Variants in MYO7B observed in about 807,000 individuals in gnomAD.
MYO7B encodes unconventional myosin-VIIb.
Under a neutral mutation model 259.7 loss-of-function variants are expected in MYO7B, and 212 were observed. The ratio of observed to expected loss-of-function variants is 0.82; its 90% CI spans 0.73 to 0.91. The LOEUF is 0.91. MYO7B is among the 40% of genes least tolerant of loss of function. The pLI, the probability that MYO7B is intolerant of heterozygous loss-of-function variation, is 0.00. For synonymous variants in MYO7B, 1,197 were observed against 1,166.4 expected (o/e 1.03, Z -0.54); for missense variants, 2,732 against 2,813.5 (o/e 0.97, Z 0.66).
rs2435616 is a variant in MYO7B, at chr2:127,597,263, C to A, written c.2339+707C>A. 1.3e-3 allele frequency among the ~76,000 whole-genome samples: 191 copies of A among 152,348 alleles called. 1 individual carries two copies. The highest frequency in any genetic ancestry group is 4.5e-3 in the African/African-American group (189 of 41,572). ...GGTCAGAGGCGAGGCAGGCTGGCCA[C>A]CCTGACTCCCAACATTTTAAATTAA... On this transcript the variant is annotated intron_variant, in intron 19 of 47. Coordinates refer to ENST00000409816, the MANE Select transcript of MYO7B (RefSeq NM_001393586.1). The surrounding 1 kb of genome is among the most constrained non-coding windows in gnomAD (Gnocchi z 4.8).
intron 27 of MYO7B, among the ~76,000 whole-genome samples, chr2:127,621,401 C>T (rs1680835434): frequency 6.6e-6 from 1 of 151,962 alleles, no homozygotes; most frequent in Non-Finnish European, 1.5e-5. Flanking sequence ...GCTGGCATTA[C>T]AGGTGTGCAT....
In MYO7B at chr2:127,621,964, C is replaced by A; in HGVS notation, c.3526-18C>A. 6.4e-7 allele frequency: 1 copy of A among 1,551,706 alleles called. No homozygotes were observed. The highest frequency in any genetic ancestry group is 1.2e-5 in the South Asian group (1 of 84,020). Reference sequence around the variant, plus strand: ...CTTTCTGAGTGTCTTCCTCCCTTCTCCCCTCCTCACCCACCAGTATCTACT... The same window carrying A: ...CTTTCTGAGTGTCTTCCTCCCTTCTACCCTCCTCACCCACCAGTATCTACT... On this transcript the variant is annotated intron_variant, in intron 27 of 47. Coordinates refer to ENST00000409816, the MANE Select transcript of MYO7B (RefSeq NM_001393586.1).
rs942154197 is a variant in MYO7B at position 127,576,722 on chromosome 2, C to T, written c.849+14C>T. 1.3e-6 allele frequency: 2 copies of T among 1,532,510 alleles called. No homozygotes were observed. Among genetic ancestry groups the T allele is most frequent in the African/African-American group, 2.7e-5 (2 of 72,942 alleles). The allele number at this position is 1,532,510 out of a possible 1,614,324, so 94.9% of individuals were successfully genotyped here. A position where few individuals can be genotyped will look rare whatever the true frequency, so the allele number is the denominator to read the frequency against. ...TACCTGACCATGGTGAGCTGCCCAC[C>T]TGCCGCCTCCCAGTAGCCAGTGGAA... On this transcript the variant is annotated intron_variant, in intron 8 of 47. Coordinates refer to ENST00000409816, the MANE Select transcript of MYO7B (RefSeq NM_001393586.1). The surrounding 1 kb of genome is among the most constrained non-coding windows in gnomAD (Gnocchi z 4.9).
chr2:127,580,582 C>T (rs988091677), intron 9 of MYO7B, among the ~76,000 whole-genome samples, 164 bp from the exon 10 acceptor site: 4 of 152,224 alleles, frequency 2.6e-5, no homozygotes, highest in Non-Finnish European at 5.9e-5. Context: ...GTCATGGGGC[C>T]GTTGGCTCCC....
At chr2:127,591,128 G>A (rs1360375558) in intron 16 of MYO7B, among the ~76,000 whole-genome samples, 1 of 152,220 alleles carries the variant, frequency 6.6e-6, no homozygotes, top group Non-Finnish European at 1.5e-5. Flanking sequence ...GGTCAAGGCT[G>A]CAGTGAACTA....
chr2:127,557,153 A>G (rs970412012), intron 1 of MYO7B, among the ~76,000 whole-genome samples: 4 of 151,956 alleles, frequency 2.6e-5, no homozygotes, highest in African/African-American at 9.7e-5. Flanking sequence ...TTGTCTTCAA[A>G]CTCTGAAGTT....
intron 26 of MYO7B, among the ~76,000 whole-genome samples, chr2:127,618,739 C>A (rs1037820868): frequency 6.6e-6 from 1 of 152,176 alleles, no homozygotes; most frequent in Non-Finnish European, 1.5e-5. Flanking sequence ...GGGCATGGAG[C>A]TTGGATTCCA....
At chr2:127,602,727 G>C (rs1021939174) in intron 19 of MYO7B, among the ~76,000 whole-genome samples, 1 of 152,162 alleles carries the variant, frequency 6.6e-6, no homozygotes, top group African/African-American at 2.4e-5. Context: ...TGGCTGGCAA[G>C]ATGACTTATG....
intron 35 of MYO7B, 87 bp downstream of exon 35, chr2:127,629,913 C>T: frequency 9.5e-6 from 13 of 1,368,274 alleles, no homozygotes; most frequent in Non-Finnish European, 1.2e-5. Flanking sequence ...AGGCCTAGCT[C>T]AGGGCCTGCA....
At position 127,590,243 on chromosome 2, in the gene MYO7B, G is replaced by C. The variant is rs759416024; in HGVS notation, c.1992+14G>C. ...AAGAAGCCGCTGGTAATGACAGGAG[G>C]CTGGGGCACAGCAAAGGAGGGAGGA... On this transcript the variant is annotated intron_variant, in intron 16 of 47. Coordinates refer to ENST00000409816, the MANE Select transcript of MYO7B (RefSeq NM_001393586.1). This position sits in a 1 kb window ranked among gnomAD's most constrained non-coding sequence, Gnocchi z 4.6. The C allele has an allele frequency of 6.2e-7, 1 of 1,612,608 alleles. No individual in the cohort carries two copies. Among genetic ancestry groups the C allele is most frequent in the Non-Finnish European group, 8.5e-7 (1 of 1,179,734 alleles).
intron 9 of MYO7B, among the ~76,000 whole-genome samples, chr2:127,579,810 T>C (rs1679029218): frequency 6.6e-6 from 1 of 152,150 alleles, no homozygotes; most frequent in Non-Finnish European, 1.5e-5. Context: ...GGTCTCGAAC[T>C]CCCAACCTCA....
rs1679136797 is a variant in MYO7B at position 127,582,360 on chromosome 2, C to T, written c.1257C>T (p.Phe419=). 6.2e-7 allele frequency: 1 copy of T among 1,613,490 alleles called. No individual in the cohort carries two copies. Among genetic ancestry groups the T allele is most frequent in the East Asian group, 2.2e-5 (1 of 44,870 alleles). ...TCAAGAAGATCAATGCCGCCATCTT[C>T]ACACCACCAGCCCAGGACCCCAAAA... ...WIVKKINAAI[F]TPPAQDPKNV... The change falls in exon 12 of 48, where the codon TTC becomes TTT. Residue 419 remains phenylalanine, a synonymous_variant. Transcript: ENST00000409816.
chr2:127,609,690 A>C lies in MYO7B; in HGVS notation c.2999A>C (p.Tyr1000Ser). 6.2e-7 allele frequency: 1 copy of C among 1,613,906 alleles called. No individual in the cohort carries two copies. The highest frequency in any genetic ancestry group is 8.5e-7 in the Non-Finnish European group (1 of 1,179,864). Residue 1000 changes from tyrosine (Y) to serine (S), a missense_variant, in exon 23 of 48, where the codon TAC becomes TCC. Coordinates refer to ENST00000409816, the MANE Select transcript of MYO7B (RefSeq NM_001393586.1). The surrounding 1 kb of genome is among the most constrained non-coding windows in gnomAD (Gnocchi z 6.9). ...CGGCCCCTCCGATACCCGTTGCTTTACCACGAAGATGACACTGACTGCTTG... is the reference window on the plus strand; with the variant it reads ...CGGCCCCTCCGATACCCGTTGCTTTCCCACGAAGATGACACTGACTGCTTG... ...IRRPLRYPLL[Y>S]HEDDTDCLAA...
chr2:127,550,292 G>A (rs532285529), intron 1 of MYO7B, among the ~76,000 whole-genome samples: 12 of 152,306 alleles, frequency 7.9e-5, no homozygotes, highest in East Asian at 1.9e-4. Context: ...AGGGCCAGGC[G>A]CAGTGGCTCA....
Position 127,605,726 on chromosome 2 carries a change from G to A in MYO7B, c.2340-118G>A, listed in dbSNP as rs142877603. The A allele has an allele frequency of 2.6e-3, 2,170 of 830,506 alleles. 7 individuals are homozygous for A. The highest frequency in any genetic ancestry group is 3.4e-3 in the Admixed American group (147 of 43,048). 51.4% of individuals were successfully genotyped at this position (830,506 alleles called of 1,614,324 possible). A position where few individuals can be genotyped will look rare whatever the true frequency, so the allele number is the denominator to read the frequency against. ...AACACCTTCTGAGAAAGGATTGTACGTATTCATTTTTCCCAATATTTCACT... is the reference window on the plus strand; with the variant it reads ...AACACCTTCTGAGAAAGGATTGTACATATTCATTTTTCCCAATATTTCACT... On this transcript the variant is annotated intron_variant, in intron 19 of 47. Coordinates refer to ENST00000409816, the MANE Select transcript of MYO7B (RefSeq NM_001393586.1).
chr2:127,564,687 C>A (rs918464029), intron 3 of MYO7B, among the ~76,000 whole-genome samples: 2 of 152,138 alleles, frequency 1.3e-5, no homozygotes, highest in Non-Finnish European at 2.9e-5. Flanking sequence ...GAAGGGCTTA[C>A]AATGGAGTGT....
intron 1 of MYO7B, among the ~76,000 whole-genome samples, chr2:127,540,792 A>G (rs1331204968): frequency 6.6e-6 from 1 of 152,206 alleles, no homozygotes; most frequent in East Asian, 1.9e-4. Context: ...TACCTCTAAA[A>G]TGAGGGAGGG....
intron 1 of MYO7B, among the ~76,000 whole-genome samples, chr2:127,547,316 A>G (rs1693271550): frequency 6.6e-6 from 1 of 152,220 alleles, no homozygotes; most frequent in Non-Finnish European, 1.5e-5. Flanking sequence ...ACAGGGATAA[A>G]TGCTGAGGTT....
At chr2:127,588,593 GAT>G (rs1166773994) in intron 15 of MYO7B, 38 bp downstream of exon 15, 2 of 1,610,342 alleles carry the variant, frequency 1.2e-6, no homozygotes, top group South Asian at 1.1e-5. Flanking sequence ...TGTCACCCCT[GAT>G]GGCTACAGGG....
Sources: allele counts gnomAD v4.1 joint callset (sites outside exome capture counted in the v4.1 genomes callset), GRCh38; gene constraint gnomAD v4.1.1; non-coding constraint Gnocchi (gnomAD v3.1); transcripts MANE v1.5; gene names NCBI Gene and HGNC (gene_info 2026-07-23, HGNC 2026-07-21).